The following PTPRM variants were observed in gnomAD, a reference collection of about 807,000 sequenced individuals.
PTPRM encodes the protein protein tyrosine phosphatase receptor type M.
PTPRM carries 47 observed loss-of-function variants against 186.7 expected under a neutral mutation model. That is an observed-to-expected ratio of 0.25 (90% CI 0.20 to 0.32). The LOEUF (loss-of-function observed/expected upper bound fraction) is 0.32, where lower values mean the gene tolerates loss of function less well. Ranked by LOEUF, PTPRM falls within the 10% of genes least tolerant of loss-of-function variation. PTPRM has a pLI of 1.00. For missense variants in PTPRM, 1,494 were observed against 1,865.0 expected, an observed-to-expected ratio of 0.80 and a Z score of 3.66; for synonymous variants, 668 against 674.9, an observed-to-expected ratio of 0.99 and a Z score of 0.16.
chr18:8,364,664 T>G (rs2095617326), intron 23 of PTPRM, among the ~76,000 whole-genome samples: 1 of 152,162 alleles, frequency 6.6e-6, no homozygotes, highest in South Asian at 2.1e-4. Flanking sequence ...CAACTATTAA[T>G]AGAAGTATGG....
chr18:7,599,934 A>G (rs772470894), intron 1 of PTPRM, among the ~76,000 whole-genome samples: 2 of 152,124 alleles, frequency 1.3e-5, no homozygotes, highest in Non-Finnish European at 2.9e-5. Flanking sequence ...GGGATCTTCT[A>G]CATGCCTTTT....
chr18:7,964,611 A>T (rs2053899277), intron 7 of PTPRM, among the ~76,000 whole-genome samples: 1 of 152,230 alleles, frequency 6.6e-6, no homozygotes, highest in Non-Finnish European at 1.5e-5. Flanking sequence ...TTAAATGCTG[A>T]TACAAAATTA....
intron 1 of PTPRM, among the ~76,000 whole-genome samples, chr18:7,752,347 A>G (rs962203943): frequency 1.3e-5 from 2 of 152,132 alleles, no homozygotes; most frequent in Non-Finnish European, 2.9e-5. Context: ...GGCCTCGAAT[A>G]TATTCTTTTT....
At chr18:7,780,621 G>T (rs187979434) in intron 2 of PTPRM, among the ~76,000 whole-genome samples, 2 of 152,206 alleles carry the variant, frequency 1.3e-5, no homozygotes, top group African/African-American at 4.8e-5. Flanking sequence ...GACTACTATG[G>T]GCCTGGCTAT....
At chr18:7,770,646 A>C (rs1598611172) in intron 1 of PTPRM, among the ~76,000 whole-genome samples, 2 of 152,240 alleles carry the variant, frequency 1.3e-5, no homozygotes, top group Non-Finnish European at 1.5e-5. Flanking sequence ...TAAAATCACC[A>C]AGCTAACAGT....
chr18:8,362,637 C>G (rs898288890), intron 23 of PTPRM, among the ~76,000 whole-genome samples: 1 of 152,174 alleles, frequency 6.6e-6, no homozygotes, highest in Non-Finnish European at 1.5e-5. Context: ...CCCATAGAAA[C>G]AGCACTCCAT....
At chr18:8,034,309 T>G (rs1370182004) in intron 7 of PTPRM, among the ~76,000 whole-genome samples, 1 of 152,088 alleles carries the variant, frequency 6.6e-6, no homozygotes, top group African/African-American at 2.4e-5. Context: ...CTCAACCCAC[T>G]ATAGTGTCAA....
At chr18:7,934,194 G>A (rs34017251) in intron 5 of PTPRM, among the ~76,000 whole-genome samples, 1 of 151,912 alleles carries the variant, frequency 6.6e-6, no homozygotes, top group East Asian at 1.9e-4. Flanking sequence ...TTAAACCTAC[G>A]CCATCCACCT....
intron 14 of PTPRM, among the ~76,000 whole-genome samples, chr18:8,182,046 AT>A: frequency 6.6e-6 from 1 of 151,874 alleles, no homozygotes; most frequent in East Asian, 1.9e-4. Flanking sequence ...TAATTTAACT[AT>A]TTTTTTCCTA....
intron 7 of PTPRM, among the ~76,000 whole-genome samples, chr18:7,978,634 A>T (rs73383811): frequency 0.061 from 9,209 of 152,210 alleles, 535 homozygotes; most frequent in African/African-American, 0.15. Flanking sequence ...TTGGCATATA[A>T]CTTTTTCTTT....
At chr18:7,961,034 A>G (rs990439052) in intron 7 of PTPRM, among the ~76,000 whole-genome samples, 1 of 152,178 alleles carries the variant, frequency 6.6e-6, no homozygotes, top group African/African-American at 2.4e-5. Flanking sequence ...TATATTTATG[A>G]GGTACACGAA....
At chr18:8,318,401 A>G (rs74321120) in intron 21 of PTPRM, among the ~76,000 whole-genome samples, 1,647 of 145,324 alleles carry the variant, frequency 0.011, 22 homozygotes, top group African/African-American at 0.04. Context: ...GGCTTATGCA[A>G]TCCTCCTGCC....
At chr18:8,122,735 C>T (rs760325668) in intron 13 of PTPRM, among the ~76,000 whole-genome samples, 3 of 152,148 alleles carry the variant, frequency 2.0e-5, no homozygotes, top group Non-Finnish European at 2.9e-5. Flanking sequence ...CTTGCCTGGT[C>T]TAGTTTGCAC....
chr18:8,272,071 G>T (rs1056462752), intron 19 of PTPRM, among the ~76,000 whole-genome samples: 5 of 151,808 alleles, frequency 3.3e-5, no homozygotes, highest in Non-Finnish European at 7.4e-5. Flanking sequence ...AAATTAGCTG[G>T]GCGTGGTGGT....
chr18:8,108,883 G>A (rs770786683), intron 11 of PTPRM, among the ~76,000 whole-genome samples: 52 of 152,158 alleles, frequency 3.4e-4, no homozygotes, highest in Non-Finnish European at 6.0e-4. Context: ...CCAGAATAAT[G>A]GTAGGACAGG....
chr18:8,334,673 C>T (rs556144627), intron 22 of PTPRM, among the ~76,000 whole-genome samples: 4 of 152,316 alleles, frequency 2.6e-5, no homozygotes, highest in South Asian at 4.1e-4. Context: ...TTAATCAATA[C>T]GGACCATCTT....
intron 7 of PTPRM, among the ~76,000 whole-genome samples, chr18:8,027,892 C>T (rs2085671711): frequency 6.6e-6 from 1 of 152,196 alleles, no homozygotes; most frequent in African/African-American, 2.4e-5. Context: ...GCCCCAGCCC[C>T]TGTCTTCTGT....
intron 19 of PTPRM, among the ~76,000 whole-genome samples, chr18:8,289,539 T>TATATATATATACATATATATACAC (rs2095008206): frequency 1.1e-4 from 6 of 56,846 alleles, no homozygotes; most frequent in African/African-American, 4.8e-4. Flanking sequence ...TATATACACA[T>TATATATATATACATATATATACAC]ATATATATAT....
At chr18:8,238,553 C>G (rs1457851726) in intron 14 of PTPRM, among the ~76,000 whole-genome samples, 1 of 149,836 alleles carries the variant, frequency 6.7e-6, no homozygotes, top group South Asian at 2.2e-4. Context: ...GCATACTAAT[C>G]GTGGTTGTTT....
Sources: allele counts gnomAD v4.1 joint callset (sites outside exome capture counted in the v4.1 genomes callset), GRCh38; gene constraint gnomAD v4.1.1; transcripts MANE v1.5; gene names NCBI Gene and HGNC (gene_info 2026-07-23, HGNC 2026-07-21).